Variants in NRG3 observed in about 807,000 individuals in gnomAD.
NRG3 encodes neuregulin 3, also known as pro-neuregulin-3, membrane-bound isoform.
In NRG3, 31 loss-of-function variants were observed where a neutral mutation model predicts 66.9. The ratio of observed to expected loss-of-function variants is 0.46; its 90% confidence interval spans 0.35 to 0.63. The LOEUF (loss-of-function observed/expected upper bound fraction) is 0.63. Among genes scored for constraint, NRG3 ranks in the 20% least tolerant of loss-of-function variants. The pLI, the probability that NRG3 is intolerant of heterozygous loss-of-function variation, is 0.00. For missense variants in NRG3, 910 were observed against 878.9 expected (o/e 1.04, Z -0.45); for synonymous variants, 393 against 359.4 (o/e 1.09, Z -1.06).
chr10:81,915,043 G>T (rs750226639), intron 1 of NRG3, among the ~76,000 whole-genome samples: 2 of 152,138 alleles, frequency 1.3e-5, no homozygotes, highest in African/African-American at 2.4e-5. Context: ...CAAAGATCAC[G>T]TGGAGAAATG....
At chr10:81,995,216 A>G (rs964938624) in intron 1 of NRG3, among the ~76,000 whole-genome samples, 1 of 152,226 alleles carries the variant, frequency 6.6e-6, no homozygotes, top group African/African-American at 2.4e-5. Flanking sequence ...TATTTCATAG[A>G]AGCAATATGA....
At chr10:82,438,432 A>T (rs2090256780) in intron 2 of NRG3, among the ~76,000 whole-genome samples, 1 of 152,220 alleles carries the variant, frequency 6.6e-6, no homozygotes, top group Non-Finnish European at 1.5e-5. Flanking sequence ...CTGGAGCTGT[A>T]GAAATGGGTG....
intron 1 of NRG3, among the ~76,000 whole-genome samples, chr10:82,273,167 A>C (rs1488476954): frequency 6.6e-6 from 1 of 152,014 alleles, no homozygotes; most frequent in East Asian, 1.9e-4. Flanking sequence ...CAAGAGCTGT[A>C]CATTACTCTT....
chr10:82,408,148 G>GAAAGAAAGAAAGAA (rs1341689768), intron 2 of NRG3, among the ~76,000 whole-genome samples: 26 of 134,284 alleles, frequency 1.9e-4, no homozygotes, highest in Non-Finnish European at 3.9e-4. Flanking sequence ...AGAAAGAAAA[G>GAAAGAAAGAAAGAA]AAAAAGAAAA....
intron 1 of NRG3, among the ~76,000 whole-genome samples, chr10:82,285,286 C>A (rs1217491318): frequency 1.3e-5 from 2 of 152,102 alleles, no homozygotes; most frequent in Admixed American, 1.3e-4. Flanking sequence ...TTACCAAGTT[C>A]TTAAAAGACA....
chr10:82,188,564 C>T (rs962530267), intron 1 of NRG3, among the ~76,000 whole-genome samples: 4 of 151,900 alleles, frequency 2.6e-5, no homozygotes, highest in African/African-American at 4.8e-5. Context: ...GACAAGGAAT[C>T]GATAACCAGA....
chr10:82,691,483 A>G (rs78160983), intron 2 of NRG3, among the ~76,000 whole-genome samples: 3,316 of 152,260 alleles, frequency 0.022, 138 homozygotes, highest in African/African-American at 0.076. Flanking sequence ...CTGGTTGCTG[A>G]CATGATTCCA....
At chr10:82,641,353 G>A (rs1356861535) in intron 2 of NRG3, among the ~76,000 whole-genome samples, 1 of 152,038 alleles carries the variant, frequency 6.6e-6, no homozygotes, top group East Asian at 1.9e-4. Context: ...GTGTCTTATT[G>A]TATATAATGT....
At chr10:82,240,917 A>G (rs2076979791) in intron 1 of NRG3, among the ~76,000 whole-genome samples, 2 of 152,080 alleles carry the variant, frequency 1.3e-5, no homozygotes, top group Admixed American at 1.3e-4. Flanking sequence ...TTTTTTTTAA[A>G]AAACCCTGTT....
chr10:82,663,728 G>A (rs1335393849), intron 2 of NRG3, among the ~76,000 whole-genome samples: 4 of 152,186 alleles, frequency 2.6e-5, no homozygotes, highest in Non-Finnish European at 5.9e-5. Context: ...AATGATATTA[G>A]CACAAACACT....
intron 1 of NRG3, among the ~76,000 whole-genome samples, chr10:82,046,034 T>C (rs2063277457): frequency 7.0e-6 from 1 of 143,314 alleles, no homozygotes; most frequent in Admixed American, 7.1e-5. Flanking sequence ...TGGCTTAGGA[T>C]TGACTTGGCA....
At chr10:81,939,598 G>T (rs767264639) in intron 1 of NRG3, among the ~76,000 whole-genome samples, 2 of 150,534 alleles carry the variant, frequency 1.3e-5, no homozygotes, top group Non-Finnish European at 3.0e-5. Flanking sequence ...TTATTTCTGT[G>T]GCATCAGTTG....
chr10:82,926,731 A>G (rs1056181944), intron 4 of NRG3, among the ~76,000 whole-genome samples: 6 of 152,242 alleles, frequency 3.9e-5, no homozygotes, highest in Non-Finnish European at 5.9e-5. Flanking sequence ...AGTAATTAAA[A>G]TTAACAAGTT....
At chr10:82,078,572 G>A (rs569912820) in intron 1 of NRG3, among the ~76,000 whole-genome samples, 2 of 152,202 alleles carry the variant, frequency 1.3e-5, no homozygotes, top group East Asian at 1.9e-4. Context: ...GGATGGTCTC[G>A]ATCTCATGAC....
intron 3 of NRG3, among the ~76,000 whole-genome samples, chr10:82,749,876 C>T (rs2058794314): frequency 6.6e-6 from 1 of 152,030 alleles, no homozygotes; most frequent in Non-Finnish European, 1.5e-5. Flanking sequence ...CCAATTAGCC[C>T]TCAATCAAAA....
At chr10:82,518,703 G>A (rs1346776808) in intron 2 of NRG3, among the ~76,000 whole-genome samples, 1 of 152,100 alleles carries the variant, frequency 6.6e-6, no homozygotes, top group Non-Finnish European at 1.5e-5. Flanking sequence ...GGCAGCTGGT[G>A]ACAGGGCCAT....
At chr10:82,063,386 A>G (rs2064269462) in intron 1 of NRG3, among the ~76,000 whole-genome samples, 1 of 152,156 alleles carries the variant, frequency 6.6e-6, no homozygotes, top group Admixed American at 6.5e-5. Flanking sequence ...AAGTAATTGG[A>G]AGAAACATGA....
intron 2 of NRG3, among the ~76,000 whole-genome samples, chr10:82,448,769 C>T (rs2090872272): frequency 6.6e-6 from 1 of 152,056 alleles, no homozygotes; most frequent in Non-Finnish European, 1.5e-5. Context: ...AATTCGTATA[C>T]ATATATATTC....
At chr10:81,910,067 A>C (rs1221667181) in intron 1 of NRG3, among the ~76,000 whole-genome samples, 2 of 152,186 alleles carry the variant, frequency 1.3e-5, no homozygotes, top group Non-Finnish European at 2.9e-5. Flanking sequence ...TCATATTCAG[A>C]TATAGTGGAG....
Sources: gnomAD v4.1 joint callset for allele counts (sites outside exome capture counted in the v4.1 genomes callset) on GRCh38, gnomAD v4.1.1 for gene constraint, MANE v1.5 for transcripts, NCBI Gene and HGNC (gene_info 2026-07-23, HGNC 2026-07-21) for gene names.